Variants in UQCR11 observed in about 807,000 individuals in gnomAD.
The protein encoded by UQCR11 is cytochrome b-c1 complex subunit 10.
In UQCR11, 10 loss-of-function variants were observed where a neutral mutation model predicts 7.6. The observed-to-expected ratio is 1.31, with a 90% CI of 0.81 to 2.22. The LOEUF (loss-of-function observed/expected upper bound fraction) is 2.22. Ranked by LOEUF, UQCR11 falls within the 30% of genes most tolerant of loss-of-function variation. The pLI, the probability that UQCR11 is intolerant of heterozygous loss-of-function variation, is 0.00. For synonymous variants in UQCR11, 34 were observed against 34.9 expected, an observed-to-expected ratio of 0.97 and a Z score of 0.09; for missense variants, 86 against 75.1, an observed-to-expected ratio of 1.15 and a Z score of -0.54.
In UQCR11 at chr19:1,605,442, TCCAGCTGAC is replaced by T; in HGVS notation, c.-42_-34del. On this transcript the variant is annotated 5_prime_UTR_variant, in exon 1 of 3. Transcript: ENST00000591899. ...GAGTCGCACCCTCAGGATGACCCTG[TCCAGCTGAC>T]CCGGCTACACTGCGCAGGCGCGGCC... The T allele has an allele frequency of 7.8e-7, 1 of 1,283,020 alleles. No homozygotes were observed. Among genetic ancestry groups the T allele is most frequent in the Non-Finnish European group, 1.0e-6 (1 of 995,018 alleles). The allele number at this position is 1,283,020 out of a possible 1,614,324, so 79.5% of individuals were successfully genotyped here.
intron 1 of UQCR11, 55 bp downstream of exon 1, chr19:1,605,305 C>G: frequency 6.6e-7 from 1 of 1,517,280 alleles, no homozygotes; most frequent in Non-Finnish European, 8.8e-7. Flanking sequence ...AACGCAGCGG[C>G]GCGGGGCTGG....
At chr19:1,600,983 A>G (rs1382907627) in intron 1 of UQCR11, among the ~76,000 whole-genome samples, 1 of 152,056 alleles carries the variant, frequency 6.6e-6, no homozygotes, top group Admixed American at 6.6e-5. Context: ...AGCCTGGGAA[A>G]CATGGTGAAA....
intron 1 of UQCR11, among the ~76,000 whole-genome samples, chr19:1,604,055 C>A (rs549564808): frequency 6.6e-6 from 1 of 152,220 alleles, no homozygotes; most frequent in Non-Finnish European, 1.5e-5. Flanking sequence ...GAGCGATTCT[C>A]CTGCCTCAGC....
intron 2 of UQCR11, 138 bp downstream of exon 2, chr19:1,599,274 G>A (rs1010973288): frequency 3.8e-5 from 45 of 1,178,428 alleles, no homozygotes; most frequent in Non-Finnish European, 5.2e-5. Flanking sequence ...GGGCACCCAG[G>A]GCCCCACTCT....
intron 1 of UQCR11, among the ~76,000 whole-genome samples, chr19:1,605,159 C>T (rs941817186): frequency 2.0e-5 from 3 of 152,192 alleles, no homozygotes; most frequent in African/African-American, 4.8e-5. Flanking sequence ...GGGGTTTGGC[C>T]TTGGGTCCGT....
chr19:1,599,634 C>A lies in UQCR11; in HGVS notation c.51-74G>T, dbSNP rs953346985. 2.5e-6 allele frequency: 4 copies of A among 1,575,448 alleles called. No individual in the cohort carries two copies. In the East Asian group the frequency reaches 6.8e-5, roughly 27 times the overall value. On this transcript the variant is annotated intron_variant, in intron 1 of 2. Coordinates refer to ENST00000591899, the MANE Select transcript of UQCR11 (RefSeq NM_006830.4). ...AGACCCTCTCCTGCCCACCCCGGCC[C>A]CCCGTCCTGAGCGGTGATGGCTGAG...
At chr19:1,600,683 A>G (rs2060744813) in intron 1 of UQCR11, among the ~76,000 whole-genome samples, 1 of 151,978 alleles carries the variant, frequency 6.6e-6, no homozygotes, top group Non-Finnish European at 1.5e-5. Context: ...ACCAGCCTAG[A>G]CAACAGAGTG....
At chr19:1,598,558 A>G (rs945524791) in intron 2 of UQCR11, among the ~76,000 whole-genome samples, 7 of 152,082 alleles carry the variant, frequency 4.6e-5, no homozygotes, top group Non-Finnish European at 8.8e-5. Flanking sequence ...AAAAAAAAAA[A>G]AAATTAGCTG....
intron 1 of UQCR11, among the ~76,000 whole-genome samples, chr19:1,601,031 T>C (rs1299965213): frequency 6.6e-6 from 1 of 151,838 alleles, no homozygotes; most frequent in East Asian, 1.9e-4. Context: ...TAGCCGGGCA[T>C]GGTGGTGGGT....
At chr19:1,599,916 A>C (rs1448846624) in intron 1 of UQCR11, among the ~76,000 whole-genome samples, 1 of 152,264 alleles carries the variant, frequency 6.6e-6, no homozygotes, top group Non-Finnish European at 1.5e-5. Flanking sequence ...TGCAGGACTC[A>C]GGCAGGTGCC....
intron 1 of UQCR11, among the ~76,000 whole-genome samples, chr19:1,603,438 T>TA (rs1413215838): frequency 6.6e-6 from 1 of 151,722 alleles, no homozygotes; most frequent in Non-Finnish European, 1.5e-5. Flanking sequence ...CCATCTCCAC[T>TA]AAAAAATACA....
rs1208615923 is a variant in UQCR11, at chr19:1,597,335, T to C, written c.*909A>G. 6.6e-6 allele frequency: 1 copy of C among 152,180 alleles called. No homozygotes were observed. Among genetic ancestry groups the C allele is most frequent in the Non-Finnish European group, 1.5e-5 (1 of 68,028 alleles). The allele number at this position is 152,180 out of a possible 1,614,324, so 9.4% of individuals were successfully genotyped here. A position where few individuals can be genotyped will look rare whatever the true frequency, so the allele number is the denominator to read the frequency against. On this transcript the variant is annotated 3_prime_UTR_variant, in exon 3 of 3. Coordinates refer to ENST00000591899, the MANE Select transcript of UQCR11 (RefSeq NM_006830.4). ...GTAGGCTGAGCCACCACTCCCAGCC[T>C]GTTCATTTTTGTATCCCTAATGTGA...
At chr19:1,603,247 A>AC (rs2060752316) in intron 1 of UQCR11, among the ~76,000 whole-genome samples, 1 of 152,078 alleles carries the variant, frequency 6.6e-6, no homozygotes, top group South Asian at 2.1e-4. Flanking sequence ...TTGCCCACCA[A>AC]CCAGAATGTC....
In UQCR11 at chr19:1,597,583, T is replaced by C. The variant is rs2060735084; in HGVS notation, c.*661A>G. On this transcript the variant is annotated 3_prime_UTR_variant, in exon 3 of 3. Transcript: ENST00000591899. The stretch of plus-strand genomic sequence containing the variant: ...TCTGGGGAAGGCAGAGGCCATGCCG[T>C]GAGGATGCTCAAGCAGCTTCGTGTA... 1 of 152,202 alleles carries C rather than the reference T, an allele frequency of 6.6e-6. No individual in the cohort carries two copies. Among genetic ancestry groups the C allele is most frequent in the Admixed American group, 6.5e-5 (1 of 15,270 alleles). The allele number at this position is 152,202 out of a possible 1,614,324, so 9.4% of individuals were successfully genotyped here.
rs949195830 is a variant in UQCR11, at chr19:1,597,182, C to G, written c.*1062G>C. The G allele has an allele frequency of 3.3e-5, 5 of 151,812 alleles. No individual in the cohort carries two copies. Among genetic ancestry groups the G allele is most frequent in the African/African-American group, 1.2e-4 (5 of 41,304 alleles). 9.4% of individuals were successfully genotyped at this position (151,812 alleles called of 1,614,324 possible). Reference sequence around the variant, plus strand: ...CTTTGTACCATATTCTCTTTTTATACCTGTTCATTTTTATTTTTTCATTTT... The same window carrying G: ...CTTTGTACCATATTCTCTTTTTATAGCTGTTCATTTTTATTTTTTCATTTT... On this transcript the variant is annotated 3_prime_UTR_variant, in exon 3 of 3. Coordinates refer to ENST00000591899, the MANE Select transcript of UQCR11 (RefSeq NM_006830.4).
intron 1 of UQCR11, among the ~76,000 whole-genome samples, chr19:1,604,626 C>G (rs1320673642): frequency 2.6e-5 from 4 of 152,012 alleles, no homozygotes. Context: ...CTCCCGGGTT[C>G]AAGCGATTCT....
chr19:1,601,911 C>T (rs2060748325), intron 1 of UQCR11: 1 of 152,210 alleles, frequency 6.6e-6, no homozygotes, highest in Admixed American at 6.5e-5. Flanking sequence ...CCTGTAATCC[C>T]AGCACTTCCG....
At chr19:1,605,031 G>A (rs1255637590) in intron 1 of UQCR11, among the ~76,000 whole-genome samples, 1 of 152,284 alleles carries the variant, frequency 6.6e-6, no homozygotes, top group African/African-American at 2.4e-5. Context: ...GTGCTGGGCT[G>A]GGGATCGGGA....
rs2060734648 is a variant in UQCR11, at chr19:1,597,427, C to G, written c.*817G>C. 6.6e-6 allele frequency: 1 copy of G among 152,324 alleles called. No homozygotes were observed. Among genetic ancestry groups the G allele is most frequent in the East Asian group, 1.9e-4 (1 of 5,206 alleles). 9.4% of individuals were successfully genotyped at this position (152,324 alleles called of 1,614,324 possible). On this transcript the variant is annotated 3_prime_UTR_variant, in exon 3 of 3. Coordinates refer to ENST00000591899, the MANE Select transcript of UQCR11 (RefSeq NM_006830.4). The stretch of plus-strand genomic sequence containing the variant: ...AACACAGAACCTCATTCTCCTCCCT[C>G]TGCACGTGGGCTGGGCCTGGGGGGC...
Sources: allele counts gnomAD v4.1 joint callset (sites outside exome capture counted in the v4.1 genomes callset), GRCh38; gene constraint gnomAD v4.1.1; transcripts MANE v1.5; gene names NCBI Gene and HGNC (gene_info 2026-07-23, HGNC 2026-07-21).